Variants in PCDH15 observed in about 807,000 individuals in gnomAD.
PCDH15 encodes protocadherin related 15.
In PCDH15, 129 loss-of-function variants were observed where a neutral mutation model predicts 178.5. The ratio of observed to expected loss-of-function variants is 0.72; its 90% CI spans 0.63 to 0.84. PCDH15 has a LOEUF of 0.84. PCDH15 is among the 40% of genes least tolerant of loss of function. PCDH15 has a pLI of 0.00. For missense variants in PCDH15, 2,230 were observed against 2,099.9 expected (o/e 1.06, Z -1.21); for synonymous variants, 800 against 732.0 (o/e 1.09, Z -1.50).
chr10:55,221,118 T>C (rs79199383), intron 1 of PCDH15, among the ~76,000 whole-genome samples: 2,625 of 152,074 alleles, frequency 0.017, 48 homozygotes, highest in Middle Eastern at 0.034. Flanking sequence ...ATCTTAAAAA[T>C]GTGGAGTGAA....
intron 1 of PCDH15, among the ~76,000 whole-genome samples, chr10:55,207,843 C>T (rs920338069): frequency 6.6e-6 from 1 of 152,136 alleles, no homozygotes; most frequent in Admixed American, 6.5e-5. Flanking sequence ...GTGGCACACA[C>T]CTGTAATTCT....
intron 3 of PCDH15, among the ~76,000 whole-genome samples, chr10:54,870,789 A>G: frequency 6.8e-5 from 1 of 14,614 alleles, no homozygotes; most frequent in South Asian, 0.012. Flanking sequence ...CCCTCTCAAA[A>G]AAATAAAAAA....
Position 54,929,572 on chromosome 10 carries a change from C to T in PCDH15, c.-79-32072G>A, listed in dbSNP as rs4935572. Among the ~76,000 whole-genome samples, 422 of 152,208 alleles carry T rather than the reference C, an allele frequency of 2.8e-3. 10 individuals are homozygous for T. The highest frequency in any genetic ancestry group is 0.024 in the Admixed American group (369 of 15,276). ...TCCATAATTTATCATACCTTCTGAC[C>T]GTTGTGACAACGGAAAATTGTGGCC... On this transcript the variant is annotated intron_variant, in intron 2 of 5. Coordinates refer to the PCDH15 transcript ENST00000458638.
chr10:54,184,452 GTA>G (rs2048305266), intron 12 of PCDH15, among the ~76,000 whole-genome samples: 2 of 152,160 alleles, frequency 1.3e-5, no homozygotes, highest in South Asian at 4.1e-4. Context: ...GCATGTGTGT[GTA>G]TGTTTATGTG....
intron 2 of PCDH15, among the ~76,000 whole-genome samples, chr10:55,438,208 C>CACAT (rs1839093822): frequency 6.6e-6 from 1 of 151,546 alleles, no homozygotes; most frequent in African/African-American, 2.4e-5. Flanking sequence ...GTTATACACA[C>CACAT]ACACACACAC....
At chr10:54,182,506 AGTGTGTGT>A (rs71007813) in intron 13 of PCDH15, among the ~76,000 whole-genome samples, 16 of 148,078 alleles carry the variant, frequency 1.1e-4, no homozygotes, top group Middle Eastern at 6.9e-3. Flanking sequence ...AGAGAAAAAA[AGTGTGTGT>A]GTGTGTGTGT....
At chr10:55,620,878 C>T (rs1227766031) in intron 2 of PCDH15, among the ~76,000 whole-genome samples, 1 of 151,390 alleles carries the variant, frequency 6.6e-6, no homozygotes, top group Non-Finnish European at 1.5e-5. Flanking sequence ...TTCATGTATA[C>T]CTCTTTGCAG....
At chr10:55,266,762 A>G (rs1007898438) in intron 1 of PCDH15, among the ~76,000 whole-genome samples, 10 of 152,094 alleles carry the variant, frequency 6.6e-5, no homozygotes, top group African/African-American at 1.2e-4. Context: ...AGAACCACAC[A>G]GAGTCTGGCC....
chr10:54,577,845 AATAAAT>A, intron 2 of PCDH15, among the ~76,000 whole-genome samples: 1 of 8,836 alleles, frequency 1.1e-4, no homozygotes, highest in African/African-American at 2.0e-4. Context: ...TTTAAGCCTA[AATAAAT>A]GAATAAATAA....
intron 2 of PCDH15, among the ~76,000 whole-genome samples, chr10:55,082,183 A>C (rs1842057425): frequency 6.6e-6 from 1 of 152,106 alleles, no homozygotes; most frequent in African/African-American, 2.4e-5. Context: ...AAACTACAAA[A>C]CAGGTCTTTA....
At chr10:54,099,452 TCACTC>T (rs1386114012) in intron 15 of PCDH15, among the ~76,000 whole-genome samples, 1 of 126,466 alleles carries the variant, frequency 7.9e-6, no homozygotes, top group Non-Finnish European at 1.6e-5. Flanking sequence ...TGAGCCAAGA[TCACTC>T]CACTGCACTC....
chr10:55,331,037 TAA>T (rs1340025184), intron 2 of PCDH15, among the ~76,000 whole-genome samples: 1 of 151,942 alleles, frequency 6.6e-6, no homozygotes, highest in Admixed American at 6.6e-5. Flanking sequence ...CCATTATACT[TAA>T]GATACTTACG....
At chr10:54,433,662 T>C (rs1263115129) in intron 3 of PCDH15, among the ~76,000 whole-genome samples, 1 of 152,082 alleles carries the variant, frequency 6.6e-6, no homozygotes, top group Admixed American at 6.6e-5. Context: ...TCAACAATAA[T>C]TTAATTGTAA....
chr10:54,874,286 T>C (rs936645918), intron 3 of PCDH15, among the ~76,000 whole-genome samples: 1 of 147,044 alleles, frequency 6.8e-6, no homozygotes, highest in Non-Finnish European at 1.5e-5. Flanking sequence ...TCCATGTCCC[T>C]ACAAAGGGCA....
At chr10:54,587,549 T>G (rs2091579574) in intron 2 of PCDH15, among the ~76,000 whole-genome samples, 1 of 151,378 alleles carries the variant, frequency 6.6e-6, no homozygotes, top group Admixed American at 6.6e-5. Context: ...AAAAAAAGAC[T>G]TACATTAAAG....
At chr10:54,044,064 T>TATGCC (rs1214899615) in intron 18 of PCDH15, among the ~76,000 whole-genome samples, 1 of 152,128 alleles carries the variant, frequency 6.6e-6, no homozygotes. Flanking sequence ...AACAGCAGGA[T>TATGCC]ATGCCTTATA....
At chr10:55,332,699 A>G (rs1185102397) in intron 2 of PCDH15, among the ~76,000 whole-genome samples, 1 of 152,094 alleles carries the variant, frequency 6.6e-6, no homozygotes, top group Non-Finnish European at 1.5e-5. Context: ...TTACCCCACA[A>G]TGTTCTCATA....
At chr10:53,994,696 T>G (rs2091737609) in intron 21 of PCDH15, 1 of 152,122 alleles carries the variant, frequency 6.6e-6, no homozygotes, top group Admixed American at 6.6e-5. Flanking sequence ...GAAAAGGAGC[T>G]TCTGAATTAA....
At chr10:53,994,590 C>T (rs549135582) in intron 21 of PCDH15, 13 of 152,264 alleles carry the variant, frequency 8.5e-5, no homozygotes, top group African/African-American at 3.1e-4. Context: ...TTCACATTCA[C>T]TATCTTTATT....
Sources: gnomAD v4.1 joint callset for allele counts (sites outside exome capture counted in the v4.1 genomes callset) on GRCh38, gnomAD v4.1.1 for gene constraint, MANE v1.5 for transcripts, NCBI Gene and HGNC (gene_info 2026-07-23, HGNC 2026-07-21) for gene names.